The following NECTIN3 variants were observed in gnomAD, a reference collection of about 807,000 sequenced individuals.
The protein encoded by NECTIN3 is nectin cell adhesion molecule 3.
In NECTIN3, 8 loss-of-function variants were observed where a neutral mutation model predicts 49.4. That is an observed-to-expected ratio of 0.16 (90% confidence interval 0.10 to 0.29). The LOEUF is 0.29. Among genes scored for constraint, NECTIN3 ranks in the 10% least tolerant of loss-of-function variants. The pLI, the probability that NECTIN3 is intolerant of heterozygous loss-of-function variation, is 1.00. For missense variants in NECTIN3, 581 were observed against 654.6 expected, an observed-to-expected ratio of 0.89 and a Z score of 1.23; for synonymous variants, 277 against 241.1, an observed-to-expected ratio of 1.15 and a Z score of -1.38.
At chr3:111,086,406 TG>T (rs1198218081) in intron 1 of NECTIN3, among the ~76,000 whole-genome samples, 2 of 152,196 alleles carry the variant, frequency 1.3e-5, no homozygotes, top group Non-Finnish European at 2.9e-5. Flanking sequence ...CTTTATTATT[TG>T]CCTTTACTGT....
At chr3:111,093,553 G>C (rs1443241111) in intron 1 of NECTIN3, among the ~76,000 whole-genome samples, 2 of 151,414 alleles carry the variant, frequency 1.3e-5, no homozygotes, top group Non-Finnish European at 2.9e-5. Flanking sequence ...TCCTACCCCA[G>C]CCTCCTGAGT....
chr3:111,154,183 C>T (rs534906077), intron 7 of NECTIN3, among the ~76,000 whole-genome samples: 61 of 152,240 alleles, frequency 4.0e-4, no homozygotes, highest in African/African-American at 1.4e-3. Context: ...ACCAGCTTCT[C>T]TTTCATATCC....
Position 111,133,858 on chromosome 3 carries a change from A to G in NECTIN3, c.1293A>G (p.Arg431=). 6.2e-7 allele frequency: 1 copy of G among 1,614,040 alleles called. No individual in the cohort carries two copies. The highest frequency in any genetic ancestry group is 1.1e-5 in the South Asian group (1 of 91,084). The stretch of plus-strand genomic sequence containing the variant: ...CTGGAATATTCTGCTATAGGAGAAG[A>G]CGGACGTTTCGTGGAGACTACTTTG... ...VLAGIFCYRR[R]RTFRGDYFAK... Residue 431 remains arginine, a synonymous_variant, in exon 6 of 6, where the codon AGA becomes AGG. Coordinates refer to ENST00000485303, the MANE Select transcript of NECTIN3 (RefSeq NM_015480.3).
chr3:111,113,543 G>A (rs2107453052), intron 2 of NECTIN3, among the ~76,000 whole-genome samples: 1 of 152,194 alleles, frequency 6.6e-6, no homozygotes, highest in Admixed American at 6.5e-5. Flanking sequence ...CTTTTAATTA[G>A]ATATTTGAGG....
chr3:111,085,988 AT>A, intron 1 of NECTIN3, among the ~76,000 whole-genome samples: 1 of 151,948 alleles, frequency 6.6e-6, no homozygotes, highest in East Asian at 1.9e-4. Context: ...TAATATCAGT[AT>A]TTTTCTTTTA....
chr3:111,163,818 G>C (rs879869775), intron 7 of NECTIN3, among the ~76,000 whole-genome samples: 1 of 151,960 alleles, frequency 6.6e-6, no homozygotes, highest in African/African-American at 2.4e-5. Flanking sequence ...CATGACTGCA[G>C]TTACTTGGAT....
chr3:111,153,688 A>G (rs1038642083), intron 7 of NECTIN3, among the ~76,000 whole-genome samples: 2 of 152,060 alleles, frequency 1.3e-5, no homozygotes, highest in Non-Finnish European at 2.9e-5. Flanking sequence ...TGCTACTTTG[A>G]TTTATTTAAA....
chr3:111,120,738 A>G (rs889458244), intron 3 of NECTIN3, among the ~76,000 whole-genome samples: 5 of 152,124 alleles, frequency 3.3e-5, no homozygotes, highest in African/African-American at 9.7e-5. Context: ...TGTAGCTCAC[A>G]GAAAGCTAGA....
At position 111,154,134 on chromosome 3, in the gene NECTIN3, T is replaced by A. The variant is rs544250858; in HGVS notation, c.1221+6650T>A. The stretch of plus-strand genomic sequence containing the variant: ...TGTACATATCCGTCATTTCCAAAAG[T>A]CCTAGTGTCCCTTTGTAATCTCCCC... On this transcript the variant is annotated intron_variant, in intron 7 of 8. Transcript: ENST00000493615. Among the ~76,000 whole-genome samples, 129 of 152,258 alleles carry A rather than the reference T, an allele frequency of 8.5e-4. 4 individuals carry two copies. In the South Asian group the frequency reaches 0.026, roughly 30 times the overall value.
intron 1 of NECTIN3, among the ~76,000 whole-genome samples, chr3:111,100,345 G>A (rs2032833218): frequency 6.6e-6 from 1 of 152,106 alleles, no homozygotes; most frequent in East Asian, 1.9e-4. Flanking sequence ...TCCAAAATTT[G>A]AAACTTTCCA....
chr3:111,077,977 A>G (rs993020441), intron 1 of NECTIN3, among the ~76,000 whole-genome samples: 2 of 152,244 alleles, frequency 1.3e-5, no homozygotes, highest in South Asian at 2.1e-4. Context: ...ATTTAACACA[A>G]TGTAACCAAA....
At position 111,136,831 on chromosome 3, in the gene NECTIN3, A is replaced by G. The variant is rs1008732381; in HGVS notation, c.*2616A>G. On this transcript the variant is annotated 3_prime_UTR_variant, in exon 6 of 6. Transcript: ENST00000485303. ...TATAATGAAGATGAATGCAACTCTT[A>G]TTTTTCTGCCATTTTTTATTAAAAT... is the stretch of plus-strand genomic sequence containing the variant. The G allele has an allele frequency of 1.0e-6, 1 of 957,778 alleles. No homozygotes were observed. Among genetic ancestry groups the G allele is most frequent in the Non-Finnish European group, 1.2e-6 (1 of 805,064 alleles). The allele number at this position is 957,778 out of a possible 1,614,324, so 59.3% of individuals were successfully genotyped here.
intron 1 of NECTIN3, among the ~76,000 whole-genome samples, chr3:111,082,836 C>T (rs1240341387): frequency 1.3e-5 from 2 of 152,148 alleles, no homozygotes; most frequent in Non-Finnish European, 2.9e-5. Flanking sequence ...AGCTTGTTTT[C>T]CTGCAACTAG....
intron 7 of NECTIN3, among the ~76,000 whole-genome samples, chr3:111,147,729 A>G (rs552585981): frequency 1.3e-5 from 2 of 152,342 alleles, no homozygotes; most frequent in Admixed American, 6.5e-5. Context: ...ACAAGAAGTT[A>G]TGGCCAGTAT....
chr3:111,113,736 C>A (rs920950315), intron 2 of NECTIN3, among the ~76,000 whole-genome samples: 3 of 152,160 alleles, frequency 2.0e-5, no homozygotes, highest in African/African-American at 7.2e-5. Context: ...GTAATCCCAG[C>A]ACTTTGGGAG....
chr3:111,119,076 G>A, intron 3 of NECTIN3, 124 bp downstream of exon 3: 3 of 929,860 alleles, frequency 3.2e-6, no homozygotes, highest in Non-Finnish European at 4.6e-6. Context: ...TTGTTTTCAT[G>A]GAAATTTCAT....
chr3:111,192,040 C>T (rs1263715224), upstream of NECTIN3, among the ~76,000 whole-genome samples: 7 of 152,156 alleles, frequency 4.6e-5, no homozygotes, highest in Admixed American at 4.6e-4. Context: ...CCATGTTGAT[C>T]AGGCTGGTCT....
intron 1 of NECTIN3, among the ~76,000 whole-genome samples, chr3:111,089,202 T>G (rs1017435208): frequency 3.9e-5 from 6 of 152,090 alleles, no homozygotes; most frequent in Admixed American, 1.3e-4. Flanking sequence ...GATCAGTCTT[T>G]CCAAGAGATT....
chr3:111,175,885 G>GT (rs2035519345), intron 7 of NECTIN3, among the ~76,000 whole-genome samples: 1 of 152,092 alleles, frequency 6.6e-6, no homozygotes, highest in Admixed American at 6.5e-5. Flanking sequence ...ACTGTTAAAT[G>GT]TTTTTTTGCA....
Sources: allele counts gnomAD v4.1 joint callset (sites outside exome capture counted in the v4.1 genomes callset), GRCh38; gene constraint gnomAD v4.1.1; transcripts MANE v1.5; gene names NCBI Gene and HGNC (gene_info 2026-07-23, HGNC 2026-07-21).